GRM8: variants seen among roughly 807,000 people sequenced by gnomAD.
The protein encoded by GRM8 is glutamate metabotropic receptor 8.
In GRM8, 47 loss-of-function variants were observed where a neutral mutation model predicts 87.2. The ratio of observed to expected loss-of-function variants is 0.54; its 90% confidence interval spans 0.43 to 0.69. GRM8 has a LOEUF of 0.69. Among genes scored for constraint, GRM8 ranks in the 30% least tolerant of loss-of-function variants. GRM8 has a pLI of 0.00. For synonymous variants in GRM8, 396 were observed against 404.5 expected (o/e 0.98, Z 0.25); for missense variants, 1,019 against 1,139.2 (o/e 0.89, Z 1.52).
Position 126,776,882 on chromosome 7 carries a change from C to T in GRM8, c.1157-6817G>A, listed in dbSNP as rs1004626130. Among the ~76,000 whole-genome samples the T allele has an allele frequency of 3.3e-5, 5 of 152,178 alleles. No homozygotes were observed. The East Asian group carries it at 9.6e-4, about 29-fold the overall frequency. On this transcript the variant is annotated intron_variant, in intron 6 of 10. Coordinates refer to ENST00000339582, the MANE Select transcript of GRM8 (RefSeq NM_000845.3). Reference sequence around the variant, plus strand: ...AGGCATGTTCTCTTATTTCTAACTGCTTCCTCCTTATACTTTCTAAGATCC... The same window carrying T: ...AGGCATGTTCTCTTATTTCTAACTGTTTCCTCCTTATACTTTCTAAGATCC...
intron 3 of GRM8, among the ~76,000 whole-genome samples, chr7:127,070,033 C>T (rs1012069800): frequency 9.2e-5 from 14 of 152,162 alleles, no homozygotes; most frequent in Non-Finnish European, 4.4e-5. Flanking sequence ...TTCGTCATCA[C>T]GATTTATTAC....
chr7:127,235,953 T>C (rs1797959236), intron 2 of GRM8, among the ~76,000 whole-genome samples: 1 of 152,128 alleles, frequency 6.6e-6, no homozygotes, highest in Non-Finnish European at 1.5e-5. Flanking sequence ...CATTTGGAAG[T>C]GGACTTTCCT....
intron 9 of GRM8, among the ~76,000 whole-genome samples, chr7:126,520,466 AGAAAGCAGTGAG>A (rs1488572449): frequency 1.3e-5 from 2 of 152,122 alleles, no homozygotes; most frequent in Non-Finnish European, 2.9e-5. Flanking sequence ...GCAGAGATTA[AGAAAGCAGTGAG>A]GAAAGCACGA....
chr7:127,202,468 T>TCACCCAGA (rs1317252061), intron 2 of GRM8, among the ~76,000 whole-genome samples: 1 of 152,114 alleles, frequency 6.6e-6, no homozygotes, highest in Admixed American at 6.5e-5. Flanking sequence ...ATGAGCCACC[T>TCACCCAGA]CACCCAGACT....
At chr7:126,602,447 T>A (rs563379174) in intron 8 of GRM8, among the ~76,000 whole-genome samples, 1 of 115,792 alleles carries the variant, frequency 8.6e-6, no homozygotes, top group African/African-American at 2.8e-5. Context: ...AACTTTAAAG[T>A]AGTTTTTTCC....
chr7:127,184,061 T>G (rs1794616013), intron 2 of GRM8, among the ~76,000 whole-genome samples: 1 of 151,866 alleles, frequency 6.6e-6, no homozygotes, highest in Admixed American at 6.6e-5. Flanking sequence ...CTCAAATGGC[T>G]TCACTGGTGA....
chr7:127,197,716 T>TAACA (rs1290434814), intron 2 of GRM8, among the ~76,000 whole-genome samples: 6 of 152,102 alleles, frequency 3.9e-5, no homozygotes, highest in Admixed American at 3.3e-4. Context: ...GAGAACAAAG[T>TAACA]AACAAACACT....
At chr7:127,184,987 G>C (rs1243909569) in intron 2 of GRM8, among the ~76,000 whole-genome samples, 1 of 151,798 alleles carries the variant, frequency 6.6e-6, no homozygotes, top group Non-Finnish European at 1.5e-5. Context: ...ATAAATGGAG[G>C]GATATTCCAT....
chr7:126,761,830 CT>C (rs2151577783), intron 7 of GRM8, among the ~76,000 whole-genome samples: 1 of 152,244 alleles, frequency 6.6e-6, no homozygotes, highest in East Asian at 1.9e-4. Flanking sequence ...TCATGAATAC[CT>C]TTTCCACATC....
chr7:126,831,527 G>C (rs915541385), intron 6 of GRM8, among the ~76,000 whole-genome samples: 2 of 152,238 alleles, frequency 1.3e-5, no homozygotes, highest in African/African-American at 4.8e-5. Context: ...TAATCTCCTG[G>C]TATGCCATTT....
intron 3 of GRM8, among the ~76,000 whole-genome samples, chr7:126,938,274 T>C (rs1806548497): frequency 6.6e-6 from 1 of 152,168 alleles, no homozygotes; most frequent in Non-Finnish European, 1.5e-5. Context: ...TGGGGACAGT[T>C]GCCTGGGGAT....
At chr7:126,564,742 T>A (rs953944141) in intron 8 of GRM8, among the ~76,000 whole-genome samples, 1 of 152,088 alleles carries the variant, frequency 6.6e-6, no homozygotes, top group African/African-American at 2.4e-5. Context: ...GAGGCCAGCA[T>A]TACCCTCATA....
At position 126,878,564 on chromosome 7, in the gene GRM8, G is replaced by A. The variant is rs1220749826; in HGVS notation, c.1156+23978C>T. Among the ~76,000 whole-genome samples, 3 of 144,824 alleles carry A rather than the reference G, an allele frequency of 2.1e-5. No homozygotes were observed. In the Admixed American group the frequency reaches 2.1e-4, roughly 10 times the overall value. On this transcript the variant is annotated intron_variant, in intron 6 of 10. Transcript: ENST00000339582. Reference sequence around the variant, plus strand: ...AGACAGAGTCTTGCTCTGTCGCACAGGCTGGAGTGCAGTGGCACCGTCTCA... The same window carrying A: ...AGACAGAGTCTTGCTCTGTCGCACAAGCTGGAGTGCAGTGGCACCGTCTCA...
At chr7:127,133,547 A>T (rs946573074) in intron 2 of GRM8, among the ~76,000 whole-genome samples, 4 of 151,378 alleles carry the variant, frequency 2.6e-5, no homozygotes, top group African/African-American at 9.7e-5. Flanking sequence ...TCTACTAAAC[A>T]TACAAAAAAT....
chr7:126,748,603 T>C (rs147430364), intron 7 of GRM8, among the ~76,000 whole-genome samples: 1 of 42,564 alleles, frequency 2.3e-5, no homozygotes, highest in Non-Finnish European at 5.1e-5. Flanking sequence ...GCAGGTCGGG[T>C]TTTTTTTTTT....
intron 3 of GRM8, among the ~76,000 whole-genome samples, chr7:126,990,298 C>T (rs562008367): frequency 2.6e-5 from 4 of 151,384 alleles, no homozygotes; most frequent in African/African-American, 9.7e-5. Context: ...GCAAAACCCA[C>T]CAGAGGGTTC....
chr7:126,906,985 G>A (rs1038786841), intron 3 of GRM8, among the ~76,000 whole-genome samples: 4 of 152,082 alleles, frequency 2.6e-5, no homozygotes, highest in African/African-American at 9.7e-5. Flanking sequence ...GTGAATAAAA[G>A]AAATTCTCTA....
intron 7 of GRM8, among the ~76,000 whole-genome samples, chr7:126,618,358 C>T (rs899064542): frequency 2.6e-5 from 4 of 152,134 alleles, no homozygotes; most frequent in African/African-American, 9.7e-5. Context: ...CTTCCTTACA[C>T]CTTATACAAA....
In GRM8 at chr7:126,647,005, C is replaced by A. The variant is rs116459544; in HGVS notation, c.1358-37507G>T. ...TGCCCAGGGGTGGCAGCAATGTTGTCTTTCTCAGATGACTTTTAGGGGGTG... is the reference window on the plus strand; with the variant it reads ...TGCCCAGGGGTGGCAGCAATGTTGTATTTCTCAGATGACTTTTAGGGGGTG... On this transcript the variant is annotated intron_variant, in intron 7 of 10. Coordinates refer to ENST00000339582, the MANE Select transcript of GRM8 (RefSeq NM_000845.3). Among the ~76,000 whole-genome samples, 570 of 152,228 alleles carry A rather than the reference C, an allele frequency of 3.7e-3. 5 individuals are homozygous for A. The highest frequency in any genetic ancestry group is 0.013 in the African/African-American group (551 of 41,538).
Sources: gnomAD v4.1 joint callset for allele counts (sites outside exome capture counted in the v4.1 genomes callset) on GRCh38, gnomAD v4.1.1 for gene constraint, MANE v1.5 for transcripts, NCBI Gene and HGNC (gene_info 2026-07-23, HGNC 2026-07-21) for gene names.